Variants in EPRS1 observed in about 807,000 individuals in gnomAD.
EPRS1 encodes the protein bifunctional glutamate/proline--tRNA ligase.
In EPRS1, 107 loss-of-function variants were observed where a neutral mutation model predicts 188.3. The observed-to-expected ratio is 0.57, with a 90% confidence interval of 0.49 to 0.67. The LOEUF (loss-of-function observed/expected upper bound fraction) is 0.67, where lower values mean the gene tolerates loss of function less well. Ranked by LOEUF, EPRS1 falls within the 30% of genes least tolerant of loss-of-function variation. EPRS1 has a pLI of 0.00. For missense variants in EPRS1, 1,577 were observed against 1,802.2 expected, an observed-to-expected ratio of 0.88 and a Z score of 2.26; for synonymous variants, 596 against 593.1, an observed-to-expected ratio of 1.00 and a Z score of -0.07.
At chr1:220,003,582 T>C (rs776299295) in intron 16 of EPRS1, among the ~76,000 whole-genome samples, 9 of 152,236 alleles carry the variant, frequency 5.9e-5, no homozygotes, top group Non-Finnish European at 1.0e-4. Flanking sequence ...TTGTATATGA[T>C]ATGAGAAAGT....
intron 30 of EPRS1, among the ~76,000 whole-genome samples, chr1:219,971,452 AAC>A (rs1161934632): frequency 1.3e-5 from 2 of 152,184 alleles, no homozygotes; most frequent in African/African-American, 2.4e-5. Flanking sequence ...TAGAATAAGC[AAC>A]ACTTTTCTTC....
intron 21 of EPRS1, 49 bp from the exon 22 acceptor site, chr1:219,983,447 T>A (rs777925548): frequency 3.0e-6 from 4 of 1,346,070 alleles, no homozygotes; most frequent in Non-Finnish European, 4.1e-6. Context: ...ACCAAAATTC[T>A]AGTATAAGTG....
chr1:220,042,108 G>T (rs1662306696), intron 1 of EPRS1, among the ~76,000 whole-genome samples: 1 of 150,246 alleles, frequency 6.7e-6, no homozygotes, highest in South Asian at 2.1e-4. Context: ...TTGAACCTAG[G>T]AGGCGGAGGT....
chr1:220,005,406 T>C (rs765215811), intron 15 of EPRS1, 46 bp from the exon 16 acceptor site: 23 of 980,440 alleles, frequency 2.3e-5, no homozygotes, highest in Non-Finnish European at 3.4e-5. Flanking sequence ...AAAATCATAG[T>C]AGTAAAATAA....
At chr1:220,030,086 TA>T (rs1662056796) in intron 6 of EPRS1, among the ~76,000 whole-genome samples, 2 of 152,180 alleles carry the variant, frequency 1.3e-5, no homozygotes, top group South Asian at 4.1e-4. Context: ...AATCTAAAAA[TA>T]AAAATGAAAT....
chr1:220,023,410 G>A (rs1259209145), intron 8 of EPRS1, among the ~76,000 whole-genome samples: 1 of 152,158 alleles, frequency 6.6e-6, no homozygotes, highest in East Asian at 1.9e-4. Context: ...CTTCCCAAAT[G>A]TGGCACTCCA....
intron 18 of EPRS1, among the ~76,000 whole-genome samples, chr1:219,991,420 C>A (rs1258841881): frequency 6.6e-6 from 1 of 152,106 alleles, no homozygotes; most frequent in Admixed American, 6.6e-5. Flanking sequence ...TATATCTACA[C>A]ACGTTGGTAA....
At chr1:219,994,647 T>C (rs1661194253) in intron 18 of EPRS1, among the ~76,000 whole-genome samples, 1 of 5,716 alleles carries the variant, frequency 1.7e-4, no homozygotes, top group African/African-American at 5.7e-4. Flanking sequence ...CTTCTTTTTT[T>C]TTTTTTTTTT....
intron 28 of EPRS1, among the ~76,000 whole-genome samples, chr1:219,974,642 C>T (rs1660740977): frequency 1.3e-5 from 2 of 152,024 alleles, no homozygotes; most frequent in South Asian, 2.1e-4. Flanking sequence ...TCCTTATTTA[C>T]CCCTAGGGAA....
chr1:220,006,233 G>A lies in EPRS1; in HGVS notation c.1823C>T (p.Thr608Ile). 6.2e-7 allele frequency: 1 copy of A among 1,603,446 alleles called. No homozygotes were observed. The part of the protein sequence containing the change: ...NKDYKKTTKV[T>I]WLAETTHALP... ...AGCATGTGTAGTCTCTGCAAGCCAAGTGACCTTAGTGGTTTTCTTGTAGTC... is the reference window on the plus strand; with the variant it reads ...AGCATGTGTAGTCTCTGCAAGCCAAATGACCTTAGTGGTTTTCTTGTAGTC... The change falls in exon 15 of 32, where the codon ACT (threonine) becomes ATT (isoleucine). Residue 608 changes from threonine (T) to isoleucine (I), a missense_variant. This residue lies in a region of EPRS1 where 1,278 missense variants were observed against 1,457.4 expected (regional missense o/e 0.88). Coordinates refer to ENST00000366923, the MANE Select transcript of EPRS1 (RefSeq NM_004446.3).
rs879818549 is a variant in EPRS1 at position 220,005,829 on chromosome 1, G to GTTTTTTT, written c.1950+270_1950+276dup. Reference sequence around the variant, plus strand: ...CATTACTTACATCGTTTTTTTTTTTGTTTTTTTTTTTGTTTTTTTTTGTAG... The same window carrying GTTTTTTT: ...CATTACTTACATCGTTTTTTTTTTTGTTTTTTTTTTTTTTTTTTGTTTTTTTTTGTAG... On this transcript the variant is annotated intron_variant, in intron 15 of 31. Transcript: ENST00000366923. Among the ~76,000 whole-genome samples the GTTTTTTT allele has an allele frequency of 7.4e-4, 34 of 45,720 alleles. 1 individual carries two copies. Among genetic ancestry groups the GTTTTTTT allele is most frequent in the African/African-American group, 2.2e-3 (24 of 11,138 alleles). 30.0% of individuals were successfully genotyped at this position (45,720 alleles called of 152,430 possible). A position where few individuals can be genotyped will look rare whatever the true frequency, so the allele number is the denominator to read the frequency against.
At position 219,978,638 on chromosome 1, in the gene EPRS1, G is replaced by A; in HGVS notation, c.3991C>T (p.Arg1331Ter). The A allele has an allele frequency of 6.2e-7, 1 of 1,612,144 alleles. No individual in the cohort carries two copies. The highest frequency in any genetic ancestry group is 8.5e-7 in the Non-Finnish European group (1 of 1,178,814). Residue 1331 changes from arginine (R) to a stop codon, truncating the protein, a stop_gained, in exon 28 of 32, where the codon CGA (arginine) becomes TGA (stop). Transcript: ENST00000366923. LOFTEE classifies it high-confidence loss of function. ...ATGTTAACACTGAGTAATCGCCTTC[G>A]ATAATCATTGCATTTTGCAATCAGC... is the stretch of plus-strand genomic sequence containing the variant. ...EALIAKCNDY[R>*]RRLLSVNIRV...
At position 220,006,127 on chromosome 1, in the gene EPRS1, C is replaced by G; in HGVS notation, c.1929G>C (p.Gln643His). ...TTACCTTACTGTTCTTGTTGACATA[C>G]TGCTTAAAGTCCTCGTCTTTTCCTA... is the stretch of plus-strand genomic sequence containing the variant. ...PVLGKDEDFKQYVNKNSKHEE... is the reference protein window; with the variant it reads ...PVLGKDEDFKHYVNKNSKHEE... The change falls in exon 15 of 32, where the codon CAG becomes CAC. Residue 643 changes from glutamine (Q) to histidine (H), a missense_variant. By Grantham distance (24) the Gln-to-His change is conservative. This residue lies in a region of EPRS1 where 1,278 missense variants were observed against 1,457.4 expected (regional missense o/e 0.88). Transcript: ENST00000366923. 6.3e-7 allele frequency: 1 copy of G among 1,578,732 alleles called. No homozygotes were observed. Among genetic ancestry groups the G allele is most frequent in the Non-Finnish European group, 8.6e-7 (1 of 1,159,310 alleles).
rs1225823844 is a variant in EPRS1, at chr1:219,999,748, C to A, written c.2181+1390G>T. 3.3e-5 allele frequency among the ~76,000 whole-genome samples: 5 copies of A among 152,196 alleles called. No homozygotes were observed. The East Asian group carries it at 9.7e-4, about 29-fold the overall frequency. On this transcript the variant is annotated intron_variant, in intron 17 of 31. Coordinates refer to ENST00000366923, the MANE Select transcript of EPRS1 (RefSeq NM_004446.3). ...CAGTACTTTGGGAGGCCGAGGTGGG[C>A]AGATCACCTGAGGTAAGGAGTTCAA... is the stretch of plus-strand genomic sequence containing the variant.
At chr1:219,999,563 T>C (rs2647445) in intron 17 of EPRS1, among the ~76,000 whole-genome samples, 122,034 of 152,158 alleles carry the variant, frequency 0.8, 49,110 homozygotes, top group East Asian at 0.93. Flanking sequence ...AGAAGTCTTA[T>C]TACCCTGCCA....
chr1:220,029,675 T>C (rs1159387632), intron 6 of EPRS1, among the ~76,000 whole-genome samples: 1 of 152,228 alleles, frequency 6.6e-6, no homozygotes, highest in African/African-American at 2.4e-5. Context: ...GGCTAACTGC[T>C]TTAATAAGAG....
At chr1:219,990,235 A>C (rs1208339470) in intron 18 of EPRS1, among the ~76,000 whole-genome samples, 1 of 152,194 alleles carries the variant, frequency 6.6e-6, no homozygotes, top group African/African-American at 2.4e-5. Context: ...TAATAAAGCT[A>C]TGTATTCATA....
chr1:219,974,616 A>T (rs1411567959), intron 28 of EPRS1, among the ~76,000 whole-genome samples: 2 of 152,148 alleles, frequency 1.3e-5, no homozygotes, highest in African/African-American at 4.8e-5. Flanking sequence ...AAAAATTTTA[A>T]ATATTACTCT....
intron 13 of EPRS1, among the ~76,000 whole-genome samples, chr1:220,007,574 T>A (rs1206338977): frequency 6.6e-6 from 1 of 152,202 alleles, no homozygotes; most frequent in Non-Finnish European, 1.5e-5. Context: ...ATACTCGGCC[T>A]CAATAGAAAT....
Sources: gnomAD v4.1 joint callset for allele counts (sites outside exome capture counted in the v4.1 genomes callset) on GRCh38, gnomAD v4.1.1 for gene constraint, gnomAD v4.1.1 regional missense constraint, MANE v1.5 for transcripts, NCBI Gene and HGNC (gene_info 2026-07-23, HGNC 2026-07-21) for gene names.